Variants in ARHGEF28 observed in about 807,000 individuals in gnomAD.
The protein encoded by ARHGEF28 is Rho guanine nucleotide exchange factor 28, also known as 190 kDa guanine nucleotide exchange factor.
In ARHGEF28, 152 loss-of-function variants were observed where a neutral mutation model predicts 206.6. That is an observed-to-expected ratio of 0.74 (90% CI 0.64 to 0.84). ARHGEF28 has a LOEUF of 0.84. Ranked by LOEUF, ARHGEF28 falls within the 40% of genes least tolerant of loss-of-function variation. The probability of loss-of-function intolerance (pLI) is 0.00; values close to 1 mark genes in which losing one functional copy is unlikely to be tolerated. For missense variants in ARHGEF28, 2,028 were observed against 2,073.2 expected (o/e 0.98, Z 0.42); for synonymous variants, 763 against 776.4 (o/e 0.98, Z 0.29).
Position 73,941,110 on chromosome 5 carries a change from A to G in ARHGEF28, c.*97A>G. On this transcript the variant is annotated 3_prime_UTR_variant, in exon 36 of 36. Transcript: ENST00000513042. ...ATGTATGTGTGATTGTCTGTGTCCA[A>G]ATTGCTTTAAGAATAATATTTAATA... The G allele has an allele frequency of 8.4e-7, 1 of 1,187,806 alleles. No individual in the cohort carries two copies. The highest frequency in any genetic ancestry group is 1.1e-6 in the Non-Finnish European group (1 of 921,340). 73.6% of individuals were successfully genotyped at this position (1,187,806 alleles called of 1,614,324 possible).
At chr5:73,628,221 C>A (rs750277694) in intron 1 of ARHGEF28, among the ~76,000 whole-genome samples, 16 of 151,988 alleles carry the variant, frequency 1.1e-4, no homozygotes, top group Non-Finnish European at 2.2e-4. Context: ...TGATACATGA[C>A]CTCCTTTAGT....
intron 1 of ARHGEF28, among the ~76,000 whole-genome samples, chr5:73,667,329 A>C (rs1470043695): frequency 6.7e-6 from 1 of 149,568 alleles, no homozygotes; most frequent in East Asian, 1.9e-4. Flanking sequence ...CCTGAGCCAC[A>C]CTTGAGTCCC....
chr5:73,858,622 G>A (rs1250564812), intron 16 of ARHGEF28, among the ~76,000 whole-genome samples: 1 of 152,022 alleles, frequency 6.6e-6, no homozygotes, highest in Non-Finnish European at 1.5e-5. Flanking sequence ...CAATCCTCTT[G>A]GCTCTATTTT....
chr5:73,755,200 A>G (rs1210175232), intron 4 of ARHGEF28, among the ~76,000 whole-genome samples: 3 of 151,754 alleles, frequency 2.0e-5, no homozygotes, highest in African/African-American at 7.3e-5. Flanking sequence ...TCTATGATAC[A>G]TATTGTCTAT....
rs1429370364 is a variant in ARHGEF28 at position 73,738,515 on chromosome 5, G to GTA, written c.34-11321_34-11320insAT. On this transcript the variant is annotated intron_variant, in intron 2 of 35. Transcript: ENST00000513042. ...TGTGTGTGTGTGTGTGTGTGTGTGT[G>GTA]TGTATGTATGTGCATGTGTGTGTGT... is the stretch of plus-strand genomic sequence containing the variant. Among the ~76,000 whole-genome samples, 14 of 150,418 alleles carry GTA rather than the reference G, an allele frequency of 9.3e-5. No homozygotes were observed. In the South Asian group the frequency reaches 2.1e-3, roughly 23 times the overall value.
chr5:73,846,373 TC>T lies in ARHGEF28; in HGVS notation c.1535del (p.Pro512LeufsTer55). The stretch of plus-strand genomic sequence containing the variant: ...CTCAGAGCTCCTCAAGAACTGGGAT[TC>T]CTAGTGGGGATGAATTGGACTCTTT... ...GSQSSSRTGI[P>X]SGDELDSFET... On this transcript the variant is annotated frameshift_variant, in exon 12 of 36. Transcript: ENST00000513042. LOFTEE classifies it high-confidence loss of function. The T allele has an allele frequency of 6.2e-7, 1 of 1,613,938 alleles. No individual in the cohort carries two copies. The highest frequency in any genetic ancestry group is 8.5e-7 in the Non-Finnish European group (1 of 1,179,848).
At chr5:73,904,854 G>A (rs559852962) in intron 33 of ARHGEF28, 1 of 163,544 alleles carries the variant, frequency 6.1e-6, no homozygotes, top group South Asian at 1.8e-4. Context: ...ATTTATTAAT[G>A]TTGAGGGGAT....
At chr5:73,831,769 G>A (rs958413558) in intron 9 of ARHGEF28, among the ~76,000 whole-genome samples, 3 of 152,244 alleles carry the variant, frequency 2.0e-5, no homozygotes, top group African/African-American at 7.2e-5. Flanking sequence ...TCGGCTCACC[G>A]CAACGTCCAC....
At chr5:73,701,036 C>T (rs550265640) in intron 2 of ARHGEF28, among the ~76,000 whole-genome samples, 97 of 152,184 alleles carry the variant, frequency 6.4e-4, no homozygotes, top group African/African-American at 2.2e-3. Context: ...TACATCTTTA[C>T]TGAATTCTTC....
At position 73,752,850 on chromosome 5, in the gene ARHGEF28, C is replaced by T. The variant is rs531682572; in HGVS notation, c.182-59C>T. ...TATGTGGTGGGGCTAGCACATTGGA[C>T]CCCTGTGAGAGCATCTCCTACAGAC... On this transcript the variant is annotated intron_variant, in intron 3 of 35. Coordinates refer to ENST00000513042, the MANE Select transcript of ARHGEF28 (RefSeq NM_001177693.2). The T allele has an allele frequency of 8.9e-5, 141 of 1,584,102 alleles. 1 individual carries two copies. In the South Asian group the frequency reaches 1.5e-3, roughly 17 times the overall value.
intron 4 of ARHGEF28, among the ~76,000 whole-genome samples, chr5:73,755,180 AATT>A (rs1752237905): frequency 1.3e-5 from 2 of 151,634 alleles, no homozygotes; most frequent in African/African-American, 4.8e-5. Context: ...AGTATATATA[AATT>A]TATATATCTA....
chr5:73,774,073 TG>T, intron 5 of ARHGEF28, 35 bp downstream of exon 5: 1 of 1,519,460 alleles, frequency 6.6e-7, no homozygotes, highest in Non-Finnish European at 8.8e-7. Flanking sequence ...CTCTCTTATT[TG>T]TATAAAGTCG....
At chr5:73,692,427 A>G (rs900284075) in intron 2 of ARHGEF28, among the ~76,000 whole-genome samples, 1 of 152,166 alleles carries the variant, frequency 6.6e-6, no homozygotes. Flanking sequence ...TTTTTGCTTC[A>G]GTAGCTTGTT....
chr5:73,819,800 C>G (rs931576880), intron 9 of ARHGEF28, among the ~76,000 whole-genome samples: 1 of 152,122 alleles, frequency 6.6e-6, no homozygotes, highest in Non-Finnish European at 1.5e-5. Flanking sequence ...TTTGTTTTAG[C>G]AAAGTCAGGT....
intron 9 of ARHGEF28, among the ~76,000 whole-genome samples, chr5:73,804,367 T>C (rs904707843): frequency 2.0e-5 from 3 of 152,174 alleles, no homozygotes; most frequent in Non-Finnish European, 4.4e-5. Context: ...CAGAGTTACA[T>C]GGCAACTTCA....
chr5:73,723,491 A>T (rs956104782), intron 2 of ARHGEF28, among the ~76,000 whole-genome samples: 2 of 152,204 alleles, frequency 1.3e-5, no homozygotes, highest in Admixed American at 1.3e-4. Context: ...CAGCCCCAAG[A>T]ATGTTTTTTA....
At chr5:73,884,782 A>G (rs1467989066) in intron 24 of ARHGEF28, among the ~76,000 whole-genome samples, 2 of 81,130 alleles carry the variant, frequency 2.5e-5, no homozygotes, top group Non-Finnish European at 2.3e-5. Context: ...CCAAATATCA[A>G]TGCTGCTCCA....
At chr5:73,940,283 T>C (rs764398374) in intron 35 of ARHGEF28, among the ~76,000 whole-genome samples, 1 of 152,238 alleles carries the variant, frequency 6.6e-6, no homozygotes, top group East Asian at 1.9e-4. Context: ...TGATTTTCCC[T>C]AGGAACCTGG....
chr5:73,787,949 C>T (rs367671913), intron 7 of ARHGEF28, among the ~76,000 whole-genome samples: 43 of 152,206 alleles, frequency 2.8e-4, no homozygotes, highest in Admixed American at 7.2e-4. Context: ...CTTAGTTTAT[C>T]AAAGGATTAA....
Sources: gnomAD v4.1 joint callset for allele counts (sites outside exome capture counted in the v4.1 genomes callset) on GRCh38, gnomAD v4.1.1 for gene constraint, MANE v1.5 for transcripts, NCBI Gene and HGNC (gene_info 2026-07-23, HGNC 2026-07-21) for gene names.